NXPE4: variants seen among roughly 807,000 people sequenced by gnomAD.
The protein encoded by NXPE4 is neurexophilin and PC-esterase domain family member 4.
NXPE4 carries 42 observed loss-of-function variants against 33.3 expected under a neutral mutation model. The observed-to-expected ratio is 1.26, with a 90% CI of 0.98 to 1.63. The LOEUF is 1.63. Among genes scored for constraint, NXPE4 ranks in the 40% most tolerant of loss-of-function variants. NXPE4 has a pLI of 0.00. For synonymous variants in NXPE4, 253 were observed against 234.9 expected (o/e 1.08, Z -0.71); for missense variants, 709 against 647.6 (o/e 1.09, Z -1.03).
chr11:114,615,539 G>C, the NXPE4 span, among the ~76,000 whole-genome samples: 2 of 151,396 alleles, frequency 1.3e-5, no homozygotes, highest in Admixed American at 6.6e-5. Context: ...ACTGTTACCC[G>C]GTGGATAATA....
chr11:114,601,787 ATG>A, the NXPE4 span, among the ~76,000 whole-genome samples: 53 of 71,792 alleles, frequency 7.4e-4, 2 homozygotes, highest in African/African-American at 2.7e-3. Context: ...ATTATATAAC[ATG>A]TGATATATGA....
the NXPE4 span, among the ~76,000 whole-genome samples, chr11:114,605,631 C>T: frequency 1.2e-3 from 177 of 151,864 alleles, 1 homozygote; most frequent in African/African-American, 3.9e-3. Flanking sequence ...AGTGTTGCCT[C>T]GTGGGTAACC....
chr11:114,579,141 C>T (rs1043697156), intron 5 of NXPE4, among the ~76,000 whole-genome samples: 15 of 151,982 alleles, frequency 9.9e-5, no homozygotes, highest in Non-Finnish European at 7.4e-5. Flanking sequence ...TTAGTCATGG[C>T]GGAAGGGAAG....
chr11:114,628,840 A>G, the NXPE4 span, among the ~76,000 whole-genome samples: 1 of 152,118 alleles, frequency 6.6e-6, no homozygotes, highest in African/African-American at 2.4e-5. Context: ...TAAAGGGGAT[A>G]TCACCACCGA....
At chr11:114,581,208 A>G (rs1232744401) in intron 4 of NXPE4, among the ~76,000 whole-genome samples, 1 of 152,192 alleles carries the variant, frequency 6.6e-6, no homozygotes, top group African/African-American at 2.4e-5. Context: ...GGCTATTTGG[A>G]TTCAAAGAAA....
At chr11:114,582,166 T>C in intron 3 of NXPE4, 122 bp downstream of exon 3, 1 of 1,020,982 alleles carries the variant, frequency 9.8e-7, no homozygotes, top group East Asian at 2.4e-5. Flanking sequence ...ACAGATCCTT[T>C]CCCCAAAGGC....
intron 2 of NXPE4, 45 bp from the exon 3 acceptor site, chr11:114,583,066 A>T: frequency 6.5e-7 from 1 of 1,550,264 alleles, no homozygotes. Context: ...AATTTAGAGC[A>T]TATCTGAACT....
intron 2 of NXPE4, chr11:114,583,894 T>C: frequency 2.5e-6 from 1 of 394,116 alleles, no homozygotes; most frequent in South Asian, 2.1e-5. Flanking sequence ...TATGGGTTAT[T>C]GGGGCTGGCA....
chr11:114,643,273 T>G, the NXPE4 span, among the ~76,000 whole-genome samples: 1 of 152,178 alleles, frequency 6.6e-6, no homozygotes, highest in East Asian at 1.9e-4. Flanking sequence ...AGATCCCATT[T>G]GTCAATTTTG....
At chr11:114,602,557 T>C in the NXPE4 span, among the ~76,000 whole-genome samples, 1 of 139,328 alleles carries the variant, frequency 7.2e-6, no homozygotes, top group Non-Finnish European at 1.5e-5. Context: ...AATTATAGAT[T>C]ATATCATTTA....
chr11:114,630,134 C>G, the NXPE4 span, among the ~76,000 whole-genome samples: 1 of 151,754 alleles, frequency 6.6e-6, no homozygotes. Context: ...ACCCATCAAG[C>G]TACCAATGAC....
the NXPE4 span, among the ~76,000 whole-genome samples, chr11:114,630,969 A>G: frequency 4.6e-5 from 7 of 150,968 alleles, no homozygotes; most frequent in Non-Finnish European, 8.9e-5. Flanking sequence ...CAAAACCACA[A>G]TGAGATACCA....
the NXPE4 span, among the ~76,000 whole-genome samples, chr11:114,604,310 A>C: frequency 6.6e-6 from 1 of 152,050 alleles, no homozygotes; most frequent in South Asian, 2.1e-4. Context: ...AACAATTCTT[A>C]CCCTGTGGAA....
chr11:114,657,629 CT>C, the NXPE4 span, among the ~76,000 whole-genome samples: 1 of 151,888 alleles, frequency 6.6e-6, no homozygotes, highest in Non-Finnish European at 1.5e-5. Context: ...ACTTAGGAAA[CT>C]GTAATTTAAT....
the NXPE4 span, among the ~76,000 whole-genome samples, chr11:114,643,157 C>T: frequency 2.0e-5 from 3 of 151,942 alleles, no homozygotes; most frequent in Admixed American, 2.0e-4. Flanking sequence ...TGGATATTAG[C>T]CCTTTGTCAG....
At chr11:114,675,272 C>T in the NXPE4 span, among the ~76,000 whole-genome samples, 1 of 151,700 alleles carries the variant, frequency 6.6e-6, no homozygotes, top group Non-Finnish European at 1.5e-5. Flanking sequence ...CCCACTCTTG[C>T]CATTGAATTC....
the NXPE4 span, among the ~76,000 whole-genome samples, chr11:114,648,261 G>C: frequency 9.2e-3 from 1,394 of 152,226 alleles, 19 homozygotes; most frequent in African/African-American, 0.032. Context: ...TTGAAGGCAT[G>C]AGAACCAGGA....
the NXPE4 span, among the ~76,000 whole-genome samples, chr11:114,640,889 T>C: frequency 1.3e-5 from 2 of 152,082 alleles, no homozygotes; most frequent in Non-Finnish European, 2.9e-5. Flanking sequence ...AAATATTTTC[T>C]CTCATTTTGT....
chr11:114,656,375 G>C, the NXPE4 span, among the ~76,000 whole-genome samples: 1 of 152,040 alleles, frequency 6.6e-6, no homozygotes, highest in Admixed American at 6.6e-5. Context: ...TATAGATTCA[G>C]TGCTATTCCC....
Sources: allele counts gnomAD v4.1 joint callset (sites outside exome capture counted in the v4.1 genomes callset), GRCh38; gene constraint gnomAD v4.1.1; transcripts MANE v1.5; gene names NCBI Gene and HGNC (gene_info 2026-07-23, HGNC 2026-07-21).